The following SOX13 variants were observed in gnomAD, a reference collection of about 807,000 sequenced individuals.
SOX13 encodes the protein transcription factor SOX-13.
Under a neutral mutation model 71.8 loss-of-function variants are expected in SOX13, and 28 were observed. The observed-to-expected ratio is 0.39, with a 90% confidence interval of 0.29 to 0.53. The LOEUF is 0.53. Ranked by LOEUF, SOX13 falls within the 20% of genes least tolerant of loss-of-function variation. The probability of loss-of-function intolerance (pLI) is 0.70; values close to 1 mark genes in which losing one functional copy is unlikely to be tolerated. For missense variants in SOX13, 627 were observed against 810.3 expected (o/e 0.77, Z 2.75); for synonymous variants, 309 against 317.8 (o/e 0.97, Z 0.29).
chr1:204,078,092 G>A (rs2102217918), intron 1 of SOX13: 1 of 152,416 alleles, frequency 6.6e-6, no homozygotes, highest in African/African-American at 2.4e-5. Flanking sequence ...TGGGATTACA[G>A]GCATGAGCCA....
intron 1 of SOX13, among the ~76,000 whole-genome samples, chr1:204,094,154 G>T (rs1338954107): frequency 1.3e-5 from 2 of 152,196 alleles, no homozygotes; most frequent in Non-Finnish European, 1.5e-5. Flanking sequence ...AAATAACTGT[G>T]CCGAGTCTCC....
Position 204,116,543 on chromosome 1 carries a change from T to G in SOX13, c.455T>G (p.Leu152Arg). Reference protein sequence around the residue: ...QESLAEKELQLLVMIHQLSTL... With the variant: ...QESLAEKELQRLVMIHQLSTL... ...AGCCTAGCAGAGAAGGAGCTCCAGC[T>G]TCTGGTCATGATTCACCAGCTGTCC... Residue 152 changes from leucine to arginine, a missense_variant, in exon 5 of 14, where the codon CTT becomes CGT. Transcript: ENST00000367204. The G allele has an allele frequency of 6.8e-6, 11 of 1,613,972 alleles. No individual in the cohort carries two copies. The highest frequency in any genetic ancestry group is 9.3e-6 in the Non-Finnish European group (11 of 1,179,874).
In SOX13 at chr1:204,126,180, G is replaced by C; in HGVS notation, c.*46G>C. 1 of 1,586,664 alleles carries C rather than the reference G, an allele frequency of 6.3e-7. No individual in the cohort carries two copies. Among genetic ancestry groups the C allele is most frequent in the Non-Finnish European group, 8.6e-7 (1 of 1,162,118 alleles). Reference sequence around the variant, plus strand: ...CCCCTTCTCCTCTGGGGAAGACCTTGTCCCAACTCGATGGGCACAGCCAGC... The same window carrying C: ...CCCCTTCTCCTCTGGGGAAGACCTTCTCCCAACTCGATGGGCACAGCCAGC... On this transcript the variant is annotated 3_prime_UTR_variant, in exon 14 of 14. Coordinates refer to ENST00000367204, the MANE Select transcript of SOX13 (RefSeq NM_005686.3).
intron 7 of SOX13, 124 bp from the exon 8 acceptor site, chr1:204,121,776 G>A (rs928725036): frequency 1.4e-6 from 1 of 732,808 alleles, no homozygotes; most frequent in African/African-American, 1.7e-5. Context: ...GGAGGGCAGT[G>A]GTTGGAACCA....
rs368785727 is a variant in SOX13 at position 204,104,265 on chromosome 1, C to G, written c.-1-8650C>G. On this transcript the variant is annotated intron_variant, in intron 1 of 13. Transcript: ENST00000367204. Reference sequence around the variant, plus strand: ...CCGAGGGAGTGTTGGCTGTGGCCCCCCTGAGCTGGGCTAGACCAGACCGGC... The same window carrying G: ...CCGAGGGAGTGTTGGCTGTGGCCCCGCTGAGCTGGGCTAGACCAGACCGGC... Among the ~76,000 whole-genome samples, 3 of 152,334 alleles carry G rather than the reference C, an allele frequency of 2.0e-5. No individual in the cohort carries two copies. The East Asian group carries it at 5.8e-4, about 29-fold the overall frequency.
chr1:204,097,254 G>A (rs376469236), intron 1 of SOX13, among the ~76,000 whole-genome samples: 110 of 152,226 alleles, frequency 7.2e-4, no homozygotes, highest in African/African-American at 2.5e-3. Context: ...CGGGGCATGG[G>A]GATAAAGGAA....
chr1:204,111,639 G>C (rs1375059153), intron 1 of SOX13, among the ~76,000 whole-genome samples: 1 of 152,206 alleles, frequency 6.6e-6, no homozygotes, highest in Non-Finnish European at 1.5e-5. Context: ...GACTCTGAGA[G>C]ATTCTAGCTA....
At chr1:204,094,113 A>G (rs1209489429) in intron 1 of SOX13, among the ~76,000 whole-genome samples, 1 of 152,224 alleles carries the variant, frequency 6.6e-6, no homozygotes, top group African/African-American at 2.4e-5. Flanking sequence ...TTTATAAACC[A>G]TCAAGTGTGT....
chr1:204,106,332 A>G (rs1268009396), intron 1 of SOX13, among the ~76,000 whole-genome samples: 1 of 152,160 alleles, frequency 6.6e-6, no homozygotes, highest in East Asian at 1.9e-4. Flanking sequence ...TAGTCCTAAC[A>G]GTATCCATCA....
chr1:204,095,564 G>A (rs959480736), intron 1 of SOX13, among the ~76,000 whole-genome samples: 3 of 152,114 alleles, frequency 2.0e-5, no homozygotes, highest in African/African-American at 2.4e-5. Flanking sequence ...ACCAGTCAGT[G>A]AGGCTATGTT....
chr1:204,122,971 C>A lies in SOX13; in HGVS notation c.1134+8C>A, dbSNP rs749996169. ...AACACCCCCTTCCGTAAGGTATGGT[C>A]CCCCACTCCCTTGAGCCTAGGGGCA... On this transcript the variant is annotated splice_region_variant and intron_variant, in intron 10 of 13. Coordinates refer to ENST00000367204, the MANE Select transcript of SOX13 (RefSeq NM_005686.3). 6.4e-6 allele frequency: 10 copies of A among 1,560,178 alleles called. No homozygotes were observed. Among genetic ancestry groups the A allele is most frequent in the Non-Finnish European group, 8.8e-6 (10 of 1,140,348 alleles).
At position 204,075,642 on chromosome 1, in the gene SOX13, A is replaced by G. The variant is rs530129548; in HGVS notation, c.-2+1931A>G. Reference sequence around the variant, plus strand: ...CCTACCTCTGGATCATTAAGGGCCAAATATAGCCTAGTGGTTAAGAGTCCT... The same window carrying G: ...CCTACCTCTGGATCATTAAGGGCCAGATATAGCCTAGTGGTTAAGAGTCCT... On this transcript the variant is annotated intron_variant, in intron 1 of 13. Transcript: ENST00000367204. Among the ~76,000 whole-genome samples, 42 of 152,238 alleles carry G rather than the reference A, an allele frequency of 2.8e-4. 1 individual carries two copies. In the South Asian group the frequency reaches 8.5e-3, roughly 31 times the overall value.
At chr1:204,124,064 C>G (rs1024797861) in intron 12 of SOX13, among the ~76,000 whole-genome samples, 16 of 152,176 alleles carry the variant, frequency 1.1e-4, no homozygotes, top group African/African-American at 3.9e-4. Context: ...TACTCCTGAT[C>G]TAAACCTAAC....
rs540919489 is a variant in SOX13 at position 204,082,761 on chromosome 1, A to G, written c.-2+9050A>G. Among the ~76,000 whole-genome samples, 10 of 152,266 alleles carry G rather than the reference A, an allele frequency of 6.6e-5. No homozygotes were observed. In the East Asian group the frequency reaches 1.7e-3, roughly 26 times the overall value. On this transcript the variant is annotated intron_variant, in intron 1 of 13. Coordinates refer to ENST00000367204, the MANE Select transcript of SOX13 (RefSeq NM_005686.3). ...AGGAAACAGGGTCAGAGAATAGAGA[A>G]AGGGGACCTGTGTCAAATCTTGACT...
intron 9 of SOX13, 119 bp from the exon 10 acceptor site, chr1:204,122,735 C>A: frequency 1.5e-6 from 1 of 661,444 alleles, no homozygotes; most frequent in Non-Finnish European, 2.7e-6. Flanking sequence ...GGAGGGAACA[C>A]TAACTCAGGT....
chr1:204,076,084 C>G (rs1022759386), intron 1 of SOX13, among the ~76,000 whole-genome samples: 1 of 152,074 alleles, frequency 6.6e-6, no homozygotes, highest in Non-Finnish European at 1.5e-5. Flanking sequence ...TTTCTTGTTT[C>G]CTTCCTTTCT....
At position 204,123,657 on chromosome 1, in the gene SOX13, C is replaced by T. The variant is rs12088948; in HGVS notation, c.1232-4C>T. ...GCTTGGCTGACTTCACTCCTGTCTC[C>T]CAGGCTCCCGCCACTTCCCCGAGTC... On this transcript the variant is annotated splice_polypyrimidine_tract_variant and splice_region_variant and intron_variant, in intron 11 of 13. Coordinates refer to ENST00000367204, the MANE Select transcript of SOX13 (RefSeq NM_005686.3). The surrounding 1 kb of genome is among the most constrained non-coding windows in gnomAD (Gnocchi z 5.0). The T allele has an allele frequency of 2.2e-5, 35 of 1,612,420 alleles. No homozygotes were observed. The highest frequency in any genetic ancestry group is 2.9e-5 in the Non-Finnish European group (34 of 1,179,422).
At chr1:204,121,555 C>T (rs1352319268) in intron 7 of SOX13, among the ~76,000 whole-genome samples, 1 of 152,160 alleles carries the variant, frequency 6.6e-6, no homozygotes, top group Non-Finnish European at 1.5e-5. Context: ...GCTTTTGTGC[C>T]CTGTGCCCAG....
intron 7 of SOX13, 76 bp from the exon 8 acceptor site, chr1:204,121,824 G>T: frequency 2.9e-6 from 3 of 1,029,620 alleles, no homozygotes; most frequent in Non-Finnish European, 3.0e-6. Context: ...ATCTTGTGGT[G>T]CTGGGACCTC....
Sources: allele counts gnomAD v4.1 joint callset (sites outside exome capture counted in the v4.1 genomes callset), GRCh38; gene constraint gnomAD v4.1.1; non-coding constraint Gnocchi (gnomAD v3.1); transcripts MANE v1.5; gene names NCBI Gene and HGNC (gene_info 2026-07-23, HGNC 2026-07-21).